The following STX3 variants were observed in gnomAD, a reference collection of about 807,000 sequenced individuals.
The protein encoded by STX3 is syntaxin 3, also known as syntaxin-3.
STX3 carries 19 observed loss-of-function variants against 40.2 expected under a neutral mutation model. The ratio of observed to expected loss-of-function variants is 0.47; its 90% CI spans 0.33 to 0.69. The LOEUF (loss-of-function observed/expected upper bound fraction) is 0.69. Ranked by LOEUF, STX3 falls within the 30% of genes least tolerant of loss-of-function variation. The probability of loss-of-function intolerance (pLI) is 0.02; values close to 1 mark genes in which losing one functional copy is unlikely to be tolerated. For missense variants in STX3, 364 were observed against 366.7 expected, an observed-to-expected ratio of 0.99 and a Z score of 0.06; for synonymous variants, 122 against 132.2, an observed-to-expected ratio of 0.92 and a Z score of 0.53.
Position 59,795,447 on chromosome 11 carries a change from A to G in STX3, c.751A>G (p.Lys251Glu). Reference protein sequence around the residue: ...DHVEKARDETKKAVKYQSQAR... With the variant: ...DHVEKARDETEKAVKYQSQAR... Reference sequence around the variant, plus strand: ...CGTGGAGAAGGCACGAGATGAAACGAAAAAAGCTGTGAAATACCAGAGTCA... The same window carrying G: ...CGTGGAGAAGGCACGAGATGAAACGGAAAAAGCTGTGAAATACCAGAGTCA... Residue 251 changes from lysine to glutamate, a missense_variant, in exon 9 of 11, where the codon AAA (lysine) becomes GAA (glutamate). Transcript: ENST00000337979. 6.2e-7 allele frequency: 1 copy of G among 1,613,368 alleles called. No individual in the cohort carries two copies. Among genetic ancestry groups the G allele is most frequent in the Non-Finnish European group, 8.5e-7 (1 of 1,179,718 alleles).
chr11:59,784,107 A>C (rs1321506714), intron 2 of STX3, among the ~76,000 whole-genome samples: 1 of 152,204 alleles, frequency 6.6e-6, no homozygotes, highest in Non-Finnish European at 1.5e-5. Flanking sequence ...ACTGAGCCTG[A>C]GGCCTGCCAG....
Position 59,761,025 on chromosome 11 carries a change from C to T in STX3, c.30+5390C>T, listed in dbSNP as rs565356869. Among the ~76,000 whole-genome samples, 8 of 152,332 alleles carry T rather than the reference C, an allele frequency of 5.3e-5. No individual in the cohort carries two copies. In the East Asian group the frequency reaches 1.4e-3, roughly 26 times the overall value. ...TCATTATTATGACTTATTTTTCTTG[C>T]TCCATTCCCTGTGGGCTGGTGAATC... On this transcript the variant is annotated intron_variant, in intron 1 of 10. Transcript: ENST00000337979.
chr11:59,767,824 T>C (rs487641), intron 1 of STX3, among the ~76,000 whole-genome samples: 44,825 of 152,066 alleles, frequency 0.29, 7,501 homozygotes, highest in East Asian at 0.56. Context: ...CCAGACCTCC[T>C]CTCTGGACAG....
At chr11:59,800,780 T>G in intron 10 of STX3, 75 bp from the exon 11 acceptor site, 4 of 1,534,134 alleles carry the variant, frequency 2.6e-6, no homozygotes, top group Non-Finnish European at 3.5e-6. Flanking sequence ...CCTTCCAGGT[T>G]TGTGGCTGAC....
At chr11:59,759,962 TTCTG>T (rs1223977484) in intron 1 of STX3, among the ~76,000 whole-genome samples, 1 of 152,172 alleles carries the variant, frequency 6.6e-6, no homozygotes, top group Non-Finnish European at 1.5e-5. Flanking sequence ...TTCACTGAGA[TTCTG>T]TCTTTCTCTA....
chr11:59,794,938 A>T (rs1818354575), intron 8 of STX3, among the ~76,000 whole-genome samples: 1 of 152,250 alleles, frequency 6.6e-6, no homozygotes, highest in Non-Finnish European at 1.5e-5. Flanking sequence ...TACTCAATTC[A>T]GGCTGAATGA....
chr11:59,787,909 C>A (rs747665470), intron 3 of STX3, among the ~76,000 whole-genome samples: 2 of 152,158 alleles, frequency 1.3e-5, no homozygotes, highest in Non-Finnish European at 2.9e-5. Flanking sequence ...TTCCCATGGG[C>A]CCTCTTACCT....
At position 59,793,116 on chromosome 11, in the gene STX3, G is replaced by T; in HGVS notation, c.484G>T (p.Asp162Tyr). 6.2e-7 allele frequency: 1 copy of T among 1,613,558 alleles called. No homozygotes were observed. The highest frequency in any genetic ancestry group is 8.5e-7 in the Non-Finnish European group (1 of 1,179,982). Reference sequence around the variant, plus strand: ...TTACAAAGCTGGCAAAAAGACAACCGATGAGGAGCTGGAGGAGATGTTGGA... The same window carrying T: ...TTACAAAGCTGGCAAAAAGACAACCTATGAGGAGCTGGAGGAGATGTTGGA... The part of the protein sequence containing the change: ...QLEITGKKTT[D>Y]EELEEMLESG... Residue 162 changes from aspartate (D) to tyrosine (Y), a missense_variant, in exon 7 of 11, where the codon GAT becomes TAT. By Grantham distance (160) the Asp-to-Tyr change is radical. Coordinates refer to ENST00000337979, the MANE Select transcript of STX3 (RefSeq NM_004177.5).
chr11:59,762,802 G>A (rs943249460), intron 1 of STX3, among the ~76,000 whole-genome samples: 8 of 152,142 alleles, frequency 5.3e-5, no homozygotes, highest in African/African-American at 1.9e-4. Context: ...GGCCTTCTTT[G>A]AATCTCCTTG....
At chr11:59,757,689 G>A (rs1425518777) in intron 1 of STX3, among the ~76,000 whole-genome samples, 7 of 152,194 alleles carry the variant, frequency 4.6e-5, no homozygotes, top group Admixed American at 4.6e-4. Flanking sequence ...GCATGGCAGC[G>A]TGGGACAAAG....
intron 1 of STX3, among the ~76,000 whole-genome samples, chr11:59,771,769 C>CA (rs1326219095): frequency 6.6e-6 from 1 of 152,088 alleles, no homozygotes; most frequent in Non-Finnish European, 1.5e-5. Context: ...TAAAGGGCCC[C>CA]ACGTGCTCTG....
At chr11:59,784,606 G>A (rs969521799) in intron 2 of STX3, among the ~76,000 whole-genome samples, 1 of 152,244 alleles carries the variant, frequency 6.6e-6, no homozygotes, top group African/African-American at 2.4e-5. Context: ...GGTCATGGCA[G>A]AGGTCAAGGA....
intron 2 of STX3, among the ~76,000 whole-genome samples, chr11:59,779,394 C>T (rs1366663478): frequency 6.6e-6 from 1 of 152,172 alleles, no homozygotes; most frequent in Admixed American, 6.5e-5. Context: ...GCACAAAACA[C>T]AGTCATGAGG....
In STX3 at chr11:59,756,056, A is replaced by T. The variant is rs761471832; in HGVS notation, c.30+421A>T. ...CTGGCTGCCCCTTCCCCCAGGGAGC[A>T]GCTCAGAGCTCTCTGGTGACCTCTG... is the stretch of plus-strand genomic sequence containing the variant. On this transcript the variant is annotated intron_variant, in intron 1 of 10. Coordinates refer to ENST00000337979, the MANE Select transcript of STX3 (RefSeq NM_004177.5). 1.1e-3 allele frequency among the ~76,000 whole-genome samples: 160 copies of T among 152,114 alleles called. 1 individual carries two copies. Among genetic ancestry groups the T allele is most frequent in the Non-Finnish European group, 7.8e-4 (53 of 68,010 alleles).
chr11:59,802,957 A>G lies in STX3; in HGVS notation c.*2133A>G, dbSNP rs1865948537. On this transcript the variant is annotated 3_prime_UTR_variant, in exon 11 of 11. Transcript: ENST00000337979. ...TTGGGAGTATCTGGCTTTAGGAGGA[A>G]ATGGGGGAGATCTGTCACGATGTTA... The G allele has an allele frequency of 1.0e-6, 1 of 985,366 alleles. No individual in the cohort carries two copies. 61.0% of individuals were successfully genotyped at this position (985,366 alleles called of 1,614,324 possible).
At chr11:59,761,604 C>A (rs1190828428) in intron 1 of STX3, among the ~76,000 whole-genome samples, 2 of 152,184 alleles carry the variant, frequency 1.3e-5, no homozygotes, top group Non-Finnish European at 2.9e-5. Flanking sequence ...CCTCCAGCCA[C>A]CTTTATGTTA....
chr11:59,776,523 T>C (rs1198249591), intron 2 of STX3, among the ~76,000 whole-genome samples: 1 of 152,206 alleles, frequency 6.6e-6, no homozygotes, highest in Non-Finnish European at 1.5e-5. Flanking sequence ...ATTGTCCCCC[T>C]CTATGTGACT....
At chr11:59,793,673 A>G (rs74838680) in intron 8 of STX3, among the ~76,000 whole-genome samples, 159 bp downstream of exon 8, 16,004 of 152,170 alleles carry the variant, frequency 0.11, 1,196 homozygotes, top group African/African-American at 0.21. Context: ...GAAAGTGTGC[A>G]TTCAAATTGA....
At chr11:59,793,879 C>T (rs937146391) in intron 8 of STX3, among the ~76,000 whole-genome samples, 1 of 151,060 alleles carries the variant, frequency 6.6e-6, no homozygotes, top group African/African-American at 2.4e-5. Flanking sequence ...GATCACAGCT[C>T]ACTGCAGCTT....
Sources: allele counts gnomAD v4.1 joint callset (sites outside exome capture counted in the v4.1 genomes callset), GRCh38; gene constraint gnomAD v4.1.1; transcripts MANE v1.5; gene names NCBI Gene and HGNC (gene_info 2026-07-23, HGNC 2026-07-21).